The following SLC9C2 variants were observed in gnomAD, a reference collection of about 807,000 sequenced individuals.
SLC9C2 encodes sodium/hydrogen exchanger 11.
SLC9C2 carries 75 observed loss-of-function variants against 140.2 expected under a neutral mutation model. The ratio of observed to expected loss-of-function variants is 0.53; its 90% CI spans 0.44 to 0.65. The LOEUF is 0.65. Among genes scored for constraint, SLC9C2 ranks in the 30% least tolerant of loss-of-function variants. The pLI is 0.00. For missense variants in SLC9C2, 1,074 were observed against 1,331.8 expected (o/e 0.81, Z 3.01); for synonymous variants, 375 against 420.9 (o/e 0.89, Z 1.34).
intron 5 of SLC9C2, among the ~76,000 whole-genome samples, chr1:173,587,340 G>A (rs752643087): frequency 2.8e-4 from 42 of 151,976 alleles, no homozygotes; most frequent in Non-Finnish European, 1.3e-4. Context: ...CACCAACTTA[G>A]AATATCTACC....
chr1:173,541,020 G>A (rs957145448), intron 13 of SLC9C2, among the ~76,000 whole-genome samples: 1 of 152,104 alleles, frequency 6.6e-6, no homozygotes, highest in African/African-American at 2.4e-5. Flanking sequence ...AACCTTAAAT[G>A]TAAATGGGCT....
At chr1:173,523,598 T>C (rs774318778) in intron 21 of SLC9C2, among the ~76,000 whole-genome samples, 3 of 152,220 alleles carry the variant, frequency 2.0e-5, no homozygotes, top group Non-Finnish European at 4.4e-5. Context: ...CTATGCCCAA[T>C]TGGCTTTACT....
At chr1:173,569,594 C>G (rs1256099183) in intron 9 of SLC9C2, among the ~76,000 whole-genome samples, 1 of 152,008 alleles carries the variant, frequency 6.6e-6, no homozygotes, top group African/African-American at 2.4e-5. Context: ...TAGACTTGCC[C>G]TTCTGAGGTT....
At chr1:173,547,930 T>C (rs1186271220) in intron 12 of SLC9C2, 146 bp from the exon 13 acceptor site, 1 of 622,812 alleles carries the variant, frequency 1.6e-6, no homozygotes, top group African/African-American at 1.9e-5. Flanking sequence ...ATGTAATGTT[T>C]TTTCATATAA....
chr1:173,521,200 A>G, intron 22 of SLC9C2, 101 bp downstream of exon 22: 1 of 649,042 alleles, frequency 1.5e-6, no homozygotes, highest in Non-Finnish European at 2.4e-6. Flanking sequence ...CACATTAAAA[A>G]TTTAAACTTT....
chr1:173,513,325 C>T (rs1473526790), intron 23 of SLC9C2, among the ~76,000 whole-genome samples: 2 of 152,114 alleles, frequency 1.3e-5, no homozygotes, highest in Non-Finnish European at 2.9e-5. Flanking sequence ...CTATTAATTA[C>T]TGCTTCAATT....
chr1:173,590,733 C>T (rs762085172), intron 4 of SLC9C2, among the ~76,000 whole-genome samples: 11 of 152,000 alleles, frequency 7.2e-5, no homozygotes, highest in Admixed American at 5.9e-4. Context: ...AAGTGACTAA[C>T]GGGCAGGAGA....
chr1:173,573,786 T>C (rs976976037), intron 8 of SLC9C2, among the ~76,000 whole-genome samples: 5 of 152,218 alleles, frequency 3.3e-5, no homozygotes, highest in Non-Finnish European at 5.9e-5. Context: ...TACTCTTCTA[T>C]TTACTTTGAA....
At chr1:173,504,378 G>A (rs146131665) in intron 26 of SLC9C2, among the ~76,000 whole-genome samples, 4 of 152,220 alleles carry the variant, frequency 2.6e-5, no homozygotes, top group East Asian at 1.9e-4. Context: ...AGCACACAGC[G>A]GGGCTGCATT....
intron 27 of SLC9C2, 29 bp downstream of exon 27, chr1:173,503,237 A>C: frequency 1.9e-6 from 3 of 1,592,252 alleles, no homozygotes; most frequent in Non-Finnish European, 2.6e-6. Context: ...AATAAGAAAA[A>C]ATTCTAATCA....
intron 5 of SLC9C2, among the ~76,000 whole-genome samples, 191 bp from the exon 6 acceptor site, chr1:173,583,813 G>A (rs988763869): frequency 1.3e-5 from 2 of 152,208 alleles, no homozygotes; most frequent in East Asian, 3.8e-4. Flanking sequence ...TCCTGCATTT[G>A]CAATGGCAAA....
chr1:173,548,080 G>C (rs949589601), intron 12 of SLC9C2, among the ~76,000 whole-genome samples: 2 of 152,132 alleles, frequency 1.3e-5, no homozygotes, highest in African/African-American at 4.8e-5. Context: ...ACTTCTACCA[G>C]GAGAGAATTA....
chr1:173,547,550 C>T, intron 13 of SLC9C2, 139 bp downstream of exon 13: 2 of 610,534 alleles, frequency 3.3e-6, no homozygotes, highest in Non-Finnish European at 5.3e-6. Flanking sequence ...TATTTTTTAA[C>T]TTTAACAAAT....
At chr1:173,523,874 T>A in intron 21 of SLC9C2, 95 bp downstream of exon 21, 1 of 1,488,770 alleles carries the variant, frequency 6.7e-7, no homozygotes, top group South Asian at 1.4e-5. Flanking sequence ...TTGGCCAGTA[T>A]GTGATATGCT....
chr1:173,598,395 T>C (rs1419151300), intron 3 of SLC9C2, among the ~76,000 whole-genome samples: 1 of 152,236 alleles, frequency 6.6e-6, no homozygotes, highest in Non-Finnish European at 1.5e-5. Context: ...TTTATTTCAA[T>C]TTGCTTTAGA....
intron 7 of SLC9C2, 36 bp downstream of exon 7, chr1:173,581,811 T>A (rs886722975): frequency 2.7e-6 from 4 of 1,472,692 alleles, no homozygotes; most frequent in Non-Finnish European, 3.6e-6. Flanking sequence ...AAACTTACTT[T>A]AAGGACAGTA....
chr1:173,585,963 G>A (rs937446413), intron 5 of SLC9C2, among the ~76,000 whole-genome samples: 10 of 151,248 alleles, frequency 6.6e-5, no homozygotes, highest in East Asian at 1.9e-4. Flanking sequence ...GCGAAACTCC[G>A]TCTCAAAAAA....
intron 13 of SLC9C2, among the ~76,000 whole-genome samples, chr1:173,539,011 G>T (rs912871782): frequency 1.3e-5 from 2 of 152,188 alleles, no homozygotes; most frequent in African/African-American, 4.8e-5. Flanking sequence ...CTCTCTTGGA[G>T]AATCTCAATG....
rs1177629103 is a variant in SLC9C2, at chr1:173,583,424, G to T, written c.640+82C>A. The T allele has an allele frequency of 1.8e-5, 14 of 781,890 alleles. No individual in the cohort carries two copies. In the East Asian group the frequency reaches 3.1e-4, roughly 17 times the overall value. 48.4% of individuals were successfully genotyped at this position (781,890 alleles called of 1,614,324 possible). On this transcript the variant is annotated intron_variant, in intron 6 of 27. Coordinates refer to ENST00000367714, the MANE Select transcript of SLC9C2 (RefSeq NM_178527.4). ...AGCCCAAAAGTAAAGTATAGAGAAG[G>T]CAGCAAAGTTAAAACATTTGAATGT...
Sources: allele counts gnomAD v4.1 joint callset (sites outside exome capture counted in the v4.1 genomes callset), GRCh38; gene constraint gnomAD v4.1.1; transcripts MANE v1.5; gene names NCBI Gene and HGNC (gene_info 2026-07-23, HGNC 2026-07-21).